GPHN: variants seen among roughly 807,000 people sequenced by gnomAD.
GPHN encodes gephyrin.
A neutral mutation model predicts 95.5 loss-of-function variants in GPHN; 17 were observed. That is an observed-to-expected ratio of 0.18 (90% CI 0.12 to 0.27). The LOEUF is 0.27. Among genes scored for constraint, GPHN ranks in the 10% least tolerant of loss-of-function variants. The probability of loss-of-function intolerance (pLI) is 1.00; values close to 1 mark genes in which losing one functional copy is unlikely to be tolerated. For synonymous variants in GPHN, 320 were observed against 322.5 expected, an observed-to-expected ratio of 0.99 and a Z score of 0.08; for missense variants, 660 against 978.1, an observed-to-expected ratio of 0.67 and a Z score of 4.34.
the GPHN span, among the ~76,000 whole-genome samples, chr14:67,531,955 C>A: frequency 6.7e-6 from 1 of 148,592 alleles, no homozygotes. Flanking sequence ...TTAATGTCTT[C>A]TTAGCAAAAT....
chr14:67,359,882 G>A, the GPHN span: 44 of 664,834 alleles, frequency 6.6e-5, no homozygotes, highest in Non-Finnish European at 1.0e-4. Context: ...CACAGGCGAC[G>A]AAGGGGGAGG....
intron 1 of GPHN, among the ~76,000 whole-genome samples, chr14:66,608,367 AT>A (rs1216835082): frequency 1.3e-5 from 2 of 151,626 alleles, no homozygotes; most frequent in African/African-American, 4.8e-5. Flanking sequence ...TATGATTTTG[AT>A]TTTTTTGAAT....
chr14:67,223,980 GAAT>G, the GPHN span: 2 of 984,692 alleles, frequency 2.0e-6, no homozygotes, highest in East Asian at 1.1e-4. Flanking sequence ...GCGGAAATCA[GAAT>G]AATAACTGCT....
chr14:67,236,317 T>TA, the GPHN span, among the ~76,000 whole-genome samples: 2 of 152,222 alleles, frequency 1.3e-5, no homozygotes, highest in African/African-American at 4.8e-5. Flanking sequence ...CAGAGCAGTT[T>TA]ATTCACTGTT....
At chr14:66,892,173 A>G (rs2064548370) in intron 5 of GPHN, among the ~76,000 whole-genome samples, 1 of 152,148 alleles carries the variant, frequency 6.6e-6, no homozygotes, top group East Asian at 1.9e-4. Flanking sequence ...CTGTAATCCC[A>G]ACACTTTGGG....
At chr14:66,833,801 T>G (rs2061680136) in intron 4 of GPHN, among the ~76,000 whole-genome samples, 1 of 152,206 alleles carries the variant, frequency 6.6e-6, no homozygotes, top group South Asian at 2.1e-4. Flanking sequence ...TCAGTCAATA[T>G]TTCCCTTAGA....
chr14:66,887,161 G>T (rs2064238839), intron 5 of GPHN, among the ~76,000 whole-genome samples: 1 of 152,140 alleles, frequency 6.6e-6, no homozygotes, highest in African/African-American at 2.4e-5. Flanking sequence ...CTACCCTGCT[G>T]GAGTATAATC....
the GPHN span, chr14:67,446,224 A>C: frequency 2.8e-6 from 1 of 361,594 alleles, no homozygotes; most frequent in Non-Finnish European, 5.4e-6. Flanking sequence ...CATCTGTAAA[A>C]TAAACAGTAC....
chr14:67,410,449 C>T, the GPHN span, among the ~76,000 whole-genome samples: 1 of 151,712 alleles, frequency 6.6e-6, no homozygotes, highest in Non-Finnish European at 1.5e-5. Context: ...CATGTGTAGT[C>T]TGAGGTGCAG....
At chr14:67,084,783 GA>G (rs1235029768) in intron 11 of GPHN, among the ~76,000 whole-genome samples, 2 of 152,142 alleles carry the variant, frequency 1.3e-5, no homozygotes, top group African/African-American at 4.8e-5. Flanking sequence ...AAGAATGCAT[GA>G]TACTTACTAG....
At chr14:67,418,623 G>A in the GPHN span, among the ~76,000 whole-genome samples, 2 of 152,342 alleles carry the variant, frequency 1.3e-5, no homozygotes, top group South Asian at 2.1e-4. Flanking sequence ...TGGAGAGAGA[G>A]CTGCAGCCAA....
At chr14:67,717,126 A>G in the GPHN span, among the ~76,000 whole-genome samples, 1 of 152,152 alleles carries the variant, frequency 6.6e-6, no homozygotes, top group African/African-American at 2.4e-5. Flanking sequence ...CTAGAGTTCA[A>G]TATTTATTTA....
At chr14:67,670,204 C>A in the GPHN span, among the ~76,000 whole-genome samples, 1 of 152,170 alleles carries the variant, frequency 6.6e-6, no homozygotes, top group African/African-American at 2.4e-5. Context: ...GCCATTAATG[C>A]CCTCCTTCTA....
the GPHN span, among the ~76,000 whole-genome samples, chr14:67,207,034 T>TG: frequency 6.6e-6 from 1 of 152,164 alleles, no homozygotes; most frequent in Non-Finnish European, 1.5e-5. Flanking sequence ...ATTTTCCAAA[T>TG]ACGCTATAAT....
the GPHN span, among the ~76,000 whole-genome samples, chr14:67,322,116 TG>T: frequency 6.6e-6 from 1 of 152,098 alleles, no homozygotes; most frequent in African/African-American, 2.4e-5. Flanking sequence ...GACGCCAATG[TG>T]GGTGGATCAC....
chr14:67,546,355 A>G, the GPHN span, among the ~76,000 whole-genome samples: 3 of 152,140 alleles, frequency 2.0e-5, no homozygotes, highest in Non-Finnish European at 2.9e-5. Flanking sequence ...TTTTAAGACA[A>G]AGTGACAAGT....
chr14:66,640,565 C>A (rs12589861), intron 1 of GPHN, among the ~76,000 whole-genome samples: 47,008 of 151,844 alleles, frequency 0.31, 11,066 homozygotes, highest in African/African-American at 0.63. Context: ...CTATACCACT[C>A]TCTTATTGTT....
the GPHN span, among the ~76,000 whole-genome samples, chr14:67,676,441 A>G: frequency 7.2e-5 from 11 of 152,164 alleles, no homozygotes; most frequent in African/African-American, 2.2e-4. Context: ...AAAAGGATCA[A>G]TAGCCTGGGG....
chr14:67,208,298 A>G, the GPHN span: 7 of 1,614,040 alleles, frequency 4.3e-6, no homozygotes, highest in Non-Finnish European at 5.1e-6. Context: ...CATCTCAAAC[A>G]TAACACTGAC....
Sources: gnomAD v4.1 joint callset for allele counts (sites outside exome capture counted in the v4.1 genomes callset) on GRCh38, gnomAD v4.1.1 for gene constraint, MANE v1.5 for transcripts, NCBI Gene and HGNC (gene_info 2026-07-23, HGNC 2026-07-21) for gene names.